VNN1: variants seen among roughly 807,000 people sequenced by gnomAD.
VNN1 encodes vanin 1.
In VNN1, 29 loss-of-function variants were observed where a neutral mutation model predicts 41.9. The ratio of observed to expected loss-of-function variants is 0.69; its 90% CI spans 0.52 to 0.94. The LOEUF is 0.94. Ranked by LOEUF, VNN1 falls within the 40% of genes least tolerant of loss-of-function variation. The probability of loss-of-function intolerance (pLI) is 0.00; values close to 1 mark genes in which losing one functional copy is unlikely to be tolerated. For synonymous variants in VNN1, 233 were observed against 224.4 expected (o/e 1.04, Z -0.34); for missense variants, 637 against 621.1 (o/e 1.03, Z -0.27).
chr6:132,692,299 TC>T lies in VNN1; in HGVS notation c.1111del (p.Glu371ArgfsTer10), dbSNP rs1286811153. The T allele has an allele frequency of 6.2e-7, 1 of 1,614,218 alleles. No individual in the cohort carries two copies. Among genetic ancestry groups the T allele is most frequent in the African/African-American group, 1.3e-5 (1 of 75,060 alleles). On this transcript the variant is annotated frameshift_variant, in exon 5 of 7. Coordinates refer to ENST00000367928, the MANE Select transcript of VNN1 (RefSeq NM_004666.3). LOFTEE classifies it high-confidence loss of function. ...AGCGTACACTTCATTTGGTATGTTC[TC>T]AGACATTTTGTAGCTTAAATGACAG... ...LCCHLSYKMS[E>X]NIPNEVYALG...
intron 5 of VNN1, among the ~76,000 whole-genome samples, chr6:132,684,872 G>A (rs1241809544): frequency 6.6e-6 from 1 of 152,156 alleles, no homozygotes. Flanking sequence ...AAAATAAAGG[G>A]CTTTAAGCCC....
chr6:132,706,722 C>A (rs1407709113), intron 2 of VNN1, among the ~76,000 whole-genome samples: 2 of 151,944 alleles, frequency 1.3e-5, no homozygotes, highest in Admixed American at 6.6e-5. Flanking sequence ...AAGAGACAAC[C>A]CACAGATTGG....
rs760838388 is a variant in VNN1 at position 132,693,241 on chromosome 6, A to C, written c.609T>G (p.Phe203Leu). 3.7e-6 allele frequency: 6 copies of C among 1,614,014 alleles called. No homozygotes were observed. In the East Asian group the frequency reaches 1.3e-4, roughly 36 times the overall value. The change falls in exon 4 of 7, where the codon TTT (phenylalanine) becomes TTG (leucine). Residue 203 changes from phenylalanine to leucine, a missense_variant. Physicochemically the swap from Phe to Leu is conservative, Grantham distance 22. Transcript: ENST00000367928. Reference sequence around the variant, plus strand: ...AGCATGTGAAAATGCCAAAACTTCCAAAGGTGGTATTGAAAGTCACAATCT... The same window carrying C: ...AGCATGTGAAAATGCCAAAACTTCCCAAGGTGGTATTGAAAGTCACAATCT... Reference protein sequence around the residue: ...EPEIVTFNTTFGSFGIFTCFD... With the variant: ...EPEIVTFNTTLGSFGIFTCFD...
In VNN1 at chr6:132,684,323, G is replaced by C. The variant is rs373062299; in HGVS notation, c.1359+12C>G. The C allele has an allele frequency of 7.5e-6, 12 of 1,601,290 alleles. No individual in the cohort carries two copies. The African/African-American group carries it at 1.6e-4, about 22-fold the overall frequency. On this transcript the variant is annotated intron_variant, in intron 6 of 6. Transcript: ENST00000367928. ...TACATGAAACTAATTGGCAATATTC[G>C]AAGATTCTTACCTGAAATTCTCCAG...
At position 132,683,110 on chromosome 6, in the gene VNN1, C is replaced by A; in HGVS notation, c.*30G>T. The A allele has an allele frequency of 6.4e-7, 1 of 1,556,520 alleles. No individual in the cohort carries two copies. The highest frequency in any genetic ancestry group is 8.7e-7 in the Non-Finnish European group (1 of 1,150,570). On this transcript the variant is annotated 3_prime_UTR_variant, in exon 7 of 7. Transcript: ENST00000367928. ...TCTCATCCATCATTTTTTAAATTAT[C>A]CCAAATAAAAAAGAGAAAAAGTCAA...
chr6:132,706,965 A>G (rs1319993273), intron 2 of VNN1, among the ~76,000 whole-genome samples: 1 of 151,840 alleles, frequency 6.6e-6, no homozygotes, highest in African/African-American at 2.4e-5. Context: ...GGTGATTCAC[A>G]CCTGTAATCC....
chr6:132,687,055 A>C (rs1474479588), intron 5 of VNN1, among the ~76,000 whole-genome samples: 1 of 152,176 alleles, frequency 6.6e-6, no homozygotes, highest in Non-Finnish European at 1.5e-5. Flanking sequence ...CCCTAATCCA[A>C]GAGGCAGAAG....
chr6:132,712,581 G>C (rs2114380130), intron 1 of VNN1, among the ~76,000 whole-genome samples: 1 of 152,258 alleles, frequency 6.6e-6, no homozygotes, highest in East Asian at 1.9e-4. Context: ...TGTCAAGACT[G>C]ATTAATAACT....
chr6:132,703,775 A>G (rs1472056555), intron 2 of VNN1, among the ~76,000 whole-genome samples: 4 of 152,160 alleles, frequency 2.6e-5, no homozygotes, highest in South Asian at 2.1e-4. Context: ...TGGATAAAAA[A>G]GAAAAAAAAT....
chr6:132,700,424 G>A (rs1168674190), intron 2 of VNN1, among the ~76,000 whole-genome samples: 2 of 152,202 alleles, frequency 1.3e-5, no homozygotes, highest in African/African-American at 4.8e-5. Flanking sequence ...CAGCAGGCTG[G>A]CCACATGCAC....
chr6:132,703,213 T>C (rs1025013505), intron 2 of VNN1, among the ~76,000 whole-genome samples: 1 of 152,148 alleles, frequency 6.6e-6, no homozygotes, highest in African/African-American at 2.4e-5. Context: ...TAAGAAAGCA[T>C]CTTAAGGTAC....
chr6:132,694,699 G>GA (rs537526092), intron 2 of VNN1, among the ~76,000 whole-genome samples: 3,951 of 130,974 alleles, frequency 0.03, 144 homozygotes, highest in African/African-American at 0.094. Flanking sequence ...TACAAAAAAT[G>GA]AAAAAAAAAA....
chr6:132,681,367 G>A lies in VNN1; in HGVS notation c.*1773C>T, dbSNP rs905045836. Among the ~76,000 whole-genome samples, 1 of 152,106 alleles carries A rather than the reference G, an allele frequency of 6.6e-6. No homozygotes were observed. The highest frequency in any genetic ancestry group is 2.4e-5 in the African/African-American group (1 of 41,386). ...AAGCAGATTTTCTCCAGCCCCACCC[G>A]AGCCTTGAGATGATGGCAGCCCTGG... On this transcript the variant is annotated 3_prime_UTR_variant, in exon 7 of 7. Transcript: ENST00000367928.
chr6:132,697,271 C>T (rs549780199), intron 2 of VNN1, among the ~76,000 whole-genome samples: 7 of 152,082 alleles, frequency 4.6e-5, no homozygotes, highest in African/African-American at 1.4e-4. Flanking sequence ...CAGAAGCAAC[C>T]TGGTCAAAAT....
intron 2 of VNN1, among the ~76,000 whole-genome samples, chr6:132,710,273 C>A (rs1262538248): frequency 6.6e-6 from 1 of 152,164 alleles, no homozygotes; most frequent in Non-Finnish European, 1.5e-5. Context: ...TGGTCTCAAA[C>A]TCCTGACCTC....
intron 5 of VNN1, among the ~76,000 whole-genome samples, chr6:132,689,830 G>A (rs1242980614): frequency 1.3e-5 from 2 of 152,162 alleles, no homozygotes; most frequent in African/African-American, 2.4e-5. Context: ...AACTGGCTGG[G>A]TCCAGCTGAA....
At chr6:132,701,454 G>A (rs923522872) in intron 2 of VNN1, among the ~76,000 whole-genome samples, 3 of 152,200 alleles carry the variant, frequency 2.0e-5, no homozygotes, top group African/African-American at 7.2e-5. Flanking sequence ...ATGGAATGGG[G>A]AAAAGCTGAA....
chr6:132,682,698 A>T lies in VNN1; in HGVS notation c.*442T>A, dbSNP rs1258579973. 1 of 152,876 alleles carries T rather than the reference A, an allele frequency of 6.5e-6. No homozygotes were observed. The highest frequency in any genetic ancestry group is 2.4e-5 in the African/African-American group (1 of 41,482). The allele number at this position is 152,876 out of a possible 1,614,324, so 9.5% of individuals were successfully genotyped here. ...GGAGACATTATCAACCCACAAGAGA[A>T]TCAAAATGTATTGTTTAGGTAAAAA... On this transcript the variant is annotated 3_prime_UTR_variant, in exon 7 of 7. Transcript: ENST00000367928.
At chr6:132,688,597 CT>C (rs1362034787) in intron 5 of VNN1, among the ~76,000 whole-genome samples, 1 of 152,092 alleles carries the variant, frequency 6.6e-6, no homozygotes, top group East Asian at 1.9e-4. Flanking sequence ...AGAGATTACT[CT>C]CTTGTTTTGT....
Sources: allele counts gnomAD v4.1 joint callset (sites outside exome capture counted in the v4.1 genomes callset), GRCh38; gene constraint gnomAD v4.1.1; transcripts MANE v1.5; gene names NCBI Gene and HGNC (gene_info 2026-07-23, HGNC 2026-07-21).